NFKBIZ: variants seen among roughly 807,000 people sequenced by gnomAD.
NFKBIZ encodes the protein NF-kappa-B inhibitor zeta.
In NFKBIZ, 19 loss-of-function variants were observed where a neutral mutation model predicts 76.8. The ratio of observed to expected loss-of-function variants is 0.25; its 90% CI spans 0.17 to 0.36. NFKBIZ has a LOEUF of 0.36. NFKBIZ is among the 10% of genes least tolerant of loss of function. The probability of loss-of-function intolerance (pLI) is 1.00; values close to 1 mark genes in which losing one functional copy is unlikely to be tolerated. For synonymous variants in NFKBIZ, 368 were observed against 354.8 expected (o/e 1.04, Z -0.42); for missense variants, 829 against 910.9 (o/e 0.91, Z 1.16).
At chr3:101,851,230 T>C (rs902091806) in intron 1 of NFKBIZ, among the ~76,000 whole-genome samples, 9 of 152,262 alleles carry the variant, frequency 5.9e-5, no homozygotes, top group African/African-American at 2.2e-4. Flanking sequence ...TTTGTGAATT[T>C]GTGTTCAACA....
intron 1 of NFKBIZ, among the ~76,000 whole-genome samples, chr3:101,828,345 T>A (rs531122157): frequency 5.9e-5 from 9 of 152,168 alleles, no homozygotes; most frequent in Non-Finnish European, 1.0e-4. Flanking sequence ...GGGGGATAGT[T>A]TTTTGGAGAA....
At chr3:101,832,754 CATGAATA>C (rs1436522942) in intron 2 of NFKBIZ, among the ~76,000 whole-genome samples, 1 of 152,168 alleles carries the variant, frequency 6.6e-6, no homozygotes, top group Non-Finnish European at 1.5e-5. Flanking sequence ...TTTTGGCTAT[CATGAATA>C]ATGCTGCTGT....
At chr3:101,839,241 AC>A (rs1180732000) in intron 2 of NFKBIZ, among the ~76,000 whole-genome samples, 1 of 152,182 alleles carries the variant, frequency 6.6e-6, no homozygotes, top group Non-Finnish European at 1.5e-5. Context: ...AAACAAAAAA[AC>A]CTCAAGTTTT....
chr3:101,838,216 T>C (rs1385660001), intron 2 of NFKBIZ, among the ~76,000 whole-genome samples: 2 of 152,212 alleles, frequency 1.3e-5, no homozygotes, highest in African/African-American at 2.4e-5. Context: ...CTAACACTTA[T>C]TAAGCATCTA....
Position 101,859,504 on chromosome 3 carries a change from AT to A in NFKBIZ, c.*135del. The stretch of plus-strand genomic sequence containing the variant: ...ATGAAACAAACATATTTAGTTCACT[AT>A]TATATAGTGGGTTATATTAAAAGAA... On this transcript the variant is annotated 3_prime_UTR_variant, in exon 12 of 12. Transcript: ENST00000326172. The A allele has an allele frequency of 3.3e-6, 2 of 597,874 alleles. No homozygotes were observed. The highest frequency in any genetic ancestry group is 6.0e-6 in the Non-Finnish European group (2 of 334,206). 37.0% of individuals were successfully genotyped at this position (597,874 alleles called of 1,614,324 possible).
At chr3:101,844,246 A>C (rs942196098) in intron 2 of NFKBIZ, among the ~76,000 whole-genome samples, 16 of 152,252 alleles carry the variant, frequency 1.1e-4, no homozygotes, top group African/African-American at 3.9e-4. Context: ...GATGCAGCAC[A>C]AACTTCTATG....
In NFKBIZ at chr3:101,849,879, C is replaced by A; in HGVS notation, c.251C>A (p.Ser84Tyr). The A allele has an allele frequency of 6.9e-7, 1 of 1,450,346 alleles. No individual in the cohort carries two copies. Among genetic ancestry groups the A allele is most frequent in the Non-Finnish European group, 9.0e-7 (1 of 1,108,912 alleles). 89.8% of individuals were successfully genotyped at this position (1,450,346 alleles called of 1,614,324 possible). The change falls in exon 1 of 12, where the codon TCC becomes TAC. Residue 84 changes from serine (S) to tyrosine (Y), a missense_variant. By Grantham distance (144) the Ser-to-Tyr change is moderately radical (BLOSUM62 -2). Transcript: ENST00000326172. ...SSVSSCGAVE[S>Y]RSRGGARAER... is the part of the protein sequence containing the mutation. ...GTGTCCTCCTGCGGCGCCGTGGAGT[C>A]CCGGTCGAGAGGCGGCGCCCGCGCC...
Position 101,853,790 on chromosome 3 carries a change from G to A in NFKBIZ, c.1264G>A (p.Val422Met), listed in dbSNP as rs780532472. The A allele has an allele frequency of 6.2e-7, 1 of 1,614,052 alleles. No homozygotes were observed. The highest frequency in any genetic ancestry group is 1.1e-5 in the South Asian group (1 of 91,086). Residue 422 changes from valine (V) to methionine (M), a missense_variant, in exon 5 of 12, where the codon GTG becomes ATG. By Grantham distance (21) the Val-to-Met change is conservative (BLOSUM62 1). Transcript: ENST00000326172. ...AGGGAAATCACTTTTTCAGTGGCAG[G>A]TGGAGCAGGAAGAAAGCAAATTGGC... is the stretch of plus-strand genomic sequence containing the variant. ...QLGKSLFQWQ[V>M]EQEESKLANI...
chr3:101,832,126 G>T (rs1576804459), intron 2 of NFKBIZ, among the ~76,000 whole-genome samples: 1 of 151,912 alleles, frequency 6.6e-6, no homozygotes, highest in Non-Finnish European at 1.5e-5. Context: ...TTATTGTAGA[G>T]ATGGGGCTTG....
At position 101,855,276 on chromosome 3, in the gene NFKBIZ, G is replaced by A. The variant is rs7644329; in HGVS notation, c.1590+68G>A. 10,092 of 1,599,186 alleles carry A rather than the reference G, an allele frequency of 6.3e-3. 552 individuals carry two copies. In the African/African-American group the frequency reaches 0.12, roughly 19 times the overall value. ...GAGATAGAGTTGGATATTAGAAGTC[G>A]GATATAGGTTGCCTGTTGCAATGAT... On this transcript the variant is annotated intron_variant, in intron 7 of 11. Transcript: ENST00000326172.
rs1016740090 is a variant in NFKBIZ, at chr3:101,849,557, G to C, written c.-72G>C. 1.6e-6 allele frequency: 2 copies of C among 1,262,282 alleles called. No individual in the cohort carries two copies. Among genetic ancestry groups the C allele is most frequent in the South Asian group, 4.9e-5 (2 of 41,094 alleles). The allele number at this position is 1,262,282 out of a possible 1,614,324, so 78.2% of individuals were successfully genotyped here. A position where few individuals can be genotyped will look rare whatever the true frequency, so the allele number is the denominator to read the frequency against. On this transcript the variant is annotated 5_prime_UTR_variant, in exon 1 of 12. Transcript: ENST00000326172. ...CGCCCGCCGACAGCTCCCTGAGCCA[G>C]CCCGGGAGGCAGCCGCGCGCAGCGA...
intron 8 of NFKBIZ, 97 bp from the exon 9 acceptor site, chr3:101,855,636 G>C: frequency 7.3e-7 from 1 of 1,368,894 alleles, no homozygotes; most frequent in African/African-American, 1.5e-5. Flanking sequence ...CCCATTTATA[G>C]GTTAAGTTAG....
intron 2 of NFKBIZ, among the ~76,000 whole-genome samples, chr3:101,840,262 A>G (rs1942771412): frequency 6.6e-6 from 1 of 152,182 alleles, no homozygotes; most frequent in Admixed American, 6.5e-5. Flanking sequence ...AAGCTCACCT[A>G]CTTCATTTTT....
At chr3:101,837,811 A>G (rs1942742474) in intron 2 of NFKBIZ, among the ~76,000 whole-genome samples, 1 of 152,216 alleles carries the variant, frequency 6.6e-6, no homozygotes, top group Non-Finnish European at 1.5e-5. Flanking sequence ...GCAGGGCAAC[A>G]GGACAAGTCT....
chr3:101,842,897 TG>T (rs1942805198), intron 2 of NFKBIZ, among the ~76,000 whole-genome samples: 1 of 151,750 alleles, frequency 6.6e-6, no homozygotes, highest in African/African-American at 2.4e-5. Flanking sequence ...CAGAACCAGG[TG>T]TTCAACAATT....
At chr3:101,837,497 A>G (rs201518673) in intron 2 of NFKBIZ, among the ~76,000 whole-genome samples, 1,931 of 151,428 alleles carry the variant, frequency 0.013, 30 homozygotes, top group East Asian at 0.083. Context: ...GTCTCAAAAA[A>G]AAAAAAAAAA....
At chr3:101,842,563 CTTTTTCT>C (rs1429749388) in intron 2 of NFKBIZ, among the ~76,000 whole-genome samples, 1 of 148,042 alleles carries the variant, frequency 6.8e-6, no homozygotes, top group Non-Finnish European at 1.5e-5. Context: ...GATGTTTTTT[CTTTTTCT>C]TTTTTCATTT....
At chr3:101,847,949 GC>G (rs1262380009), upstream of NFKBIZ, among the ~76,000 whole-genome samples, 1 of 152,198 alleles carries the variant, frequency 6.6e-6, no homozygotes, top group African/African-American at 2.4e-5. Context: ...GTGGCTCCAA[GC>G]CATGGCCTGA....
intron 6 of NFKBIZ, 127 bp downstream of exon 6, chr3:101,854,810 A>T: frequency 2.6e-6 from 2 of 774,514 alleles, no homozygotes; most frequent in East Asian, 5.4e-5. Flanking sequence ...TAACTTTGAG[A>T]TGTTGACTTT....
Sources: gnomAD v4.1 joint callset for allele counts (sites outside exome capture counted in the v4.1 genomes callset) on GRCh38, gnomAD v4.1.1 for gene constraint, MANE v1.5 for transcripts, NCBI Gene and HGNC (gene_info 2026-07-23, HGNC 2026-07-21) for gene names.